The following NTM variants were observed in gnomAD, a reference collection of about 807,000 sequenced individuals.
The protein encoded by NTM is neurotrimin, also known as IgLON family member 2.
Under a neutral mutation model 42.1 loss-of-function variants are expected in NTM, and 13 were observed. The ratio of observed to expected loss-of-function variants is 0.31; its 90% CI spans 0.20 to 0.49. The LOEUF is 0.49. Among genes scored for constraint, NTM ranks in the 20% least tolerant of loss-of-function variants. The pLI, the probability that NTM is intolerant of heterozygous loss-of-function variation, is 0.99. For synonymous variants in NTM, 187 were observed against 179.2 expected (o/e 1.04, Z -0.35); for missense variants, 373 against 452.8 (o/e 0.82, Z 1.60).
chr11:132,173,345 A>G (rs945303297), intron 3 of NTM, among the ~76,000 whole-genome samples: 1 of 152,210 alleles, frequency 6.6e-6, no homozygotes, highest in Non-Finnish European at 1.5e-5. Context: ...GTGATTGTCC[A>G]TGAGTGTGCA....
intron 2 of NTM, among the ~76,000 whole-genome samples, chr11:131,992,904 C>G (rs1171674393): frequency 4.6e-5 from 7 of 151,976 alleles, no homozygotes; most frequent in Non-Finnish European, 4.4e-5. Flanking sequence ...CAAAAGATAC[C>G]CATTATATAA....
At chr11:131,592,922 C>G (rs1437644121) in intron 1 of NTM, among the ~76,000 whole-genome samples, 1 of 152,184 alleles carries the variant, frequency 6.6e-6, no homozygotes, top group Non-Finnish European at 1.5e-5. Context: ...CCGGCCACGT[C>G]TGGCAGCTGG....
intron 1 of NTM, among the ~76,000 whole-genome samples, chr11:131,523,161 G>T (rs541524601): frequency 6.6e-6 from 1 of 152,206 alleles, no homozygotes; most frequent in Non-Finnish European, 1.5e-5. Context: ...CAGGGAGCAT[G>T]AGATCACAGA....
At chr11:131,439,702 G>C (rs1182194788) in intron 1 of NTM, among the ~76,000 whole-genome samples, 1 of 152,176 alleles carries the variant, frequency 6.6e-6, no homozygotes, top group Non-Finnish European at 1.5e-5. Flanking sequence ...CGTTTTTCCA[G>C]GTACCATCTG....
chr11:131,760,642 C>A (rs542427322), intron 1 of NTM, among the ~76,000 whole-genome samples: 1 of 152,144 alleles, frequency 6.6e-6, no homozygotes, highest in Non-Finnish European at 1.5e-5. Context: ...ATAGAGATAA[C>A]CCTGCTGAGA....
chr11:131,619,386 C>T (rs527461816), intron 1 of NTM, among the ~76,000 whole-genome samples: 40 of 152,284 alleles, frequency 2.6e-4, no homozygotes, highest in African/African-American at 9.4e-4. Context: ...ACCTGGAACA[C>T]ATATATCTCT....
intron 1 of NTM, among the ~76,000 whole-genome samples, chr11:131,857,266 A>G (rs2046198163): frequency 6.6e-6 from 1 of 152,034 alleles, no homozygotes. Flanking sequence ...GACTCTATGC[A>G]TCCTCTTCTA....
chr11:132,334,051 G>A (rs1055768793), intron 8 of NTM, among the ~76,000 whole-genome samples: 2 of 152,200 alleles, frequency 1.3e-5, no homozygotes, highest in Admixed American at 6.5e-5. Flanking sequence ...TAAATTCAAT[G>A]CAACAGAGTA....
chr11:132,076,718 C>A (rs897707210), intron 2 of NTM, among the ~76,000 whole-genome samples: 7 of 151,958 alleles, frequency 4.6e-5, no homozygotes, highest in African/African-American at 1.7e-4. Flanking sequence ...TCTAAGGAAT[C>A]TCTCAACCTC....
At chr11:131,503,724 G>C (rs1468468725) in intron 1 of NTM, among the ~76,000 whole-genome samples, 1 of 151,908 alleles carries the variant, frequency 6.6e-6, no homozygotes, top group Non-Finnish European at 1.5e-5. Flanking sequence ...GAGTCTCACT[G>C]TGTTGCTCAG....
At chr11:131,685,372 A>ATCCATGGGAAGCAGCTG (rs58712045) in intron 1 of NTM, among the ~76,000 whole-genome samples, 2 of 152,180 alleles carry the variant, frequency 1.3e-5, no homozygotes, top group African/African-American at 4.8e-5. Context: ...AGAGTCGGGC[A>ATCCATGGGAAGCAGCTG]GGCAGGCTGA....
chr11:131,823,101 G>A (rs531855370), intron 1 of NTM, among the ~76,000 whole-genome samples: 13 of 152,272 alleles, frequency 8.5e-5, no homozygotes, highest in South Asian at 2.1e-4. Context: ...ATAGAAGCAC[G>A]TCTACGTTAG....
At chr11:132,258,366 G>C (rs147073558) in intron 4 of NTM, among the ~76,000 whole-genome samples, 70 of 152,158 alleles carry the variant, frequency 4.6e-4, no homozygotes, top group Non-Finnish European at 8.8e-4. Context: ...TATATTGGAC[G>C]ATGGCTTAAA....
intron 3 of NTM, among the ~76,000 whole-genome samples, chr11:132,202,666 G>A (rs921350438): frequency 1.3e-5 from 2 of 152,104 alleles, no homozygotes; most frequent in African/African-American, 2.4e-5. Context: ...ATTATGCCCC[G>A]AAGCCAAGAG....
At chr11:131,547,193 C>T (rs367986778) in intron 1 of NTM, among the ~76,000 whole-genome samples, 3 of 152,298 alleles carry the variant, frequency 2.0e-5, no homozygotes, top group African/African-American at 4.8e-5. Context: ...TAGTCAGAGG[C>T]GTGAGCACAC....
At chr11:132,070,201 A>C (rs1458717541) in intron 2 of NTM, among the ~76,000 whole-genome samples, 2 of 146,692 alleles carry the variant, frequency 1.4e-5, no homozygotes, top group Non-Finnish European at 3.0e-5. Context: ...CCAAGTTAAC[A>C]CGTCAAACTG....
chr11:131,581,026 C>T (rs2058359719), intron 1 of NTM, among the ~76,000 whole-genome samples: 1 of 152,080 alleles, frequency 6.6e-6, no homozygotes, highest in Non-Finnish European at 1.5e-5. Context: ...ATTATGAGGC[C>T]CTGGGTTATT....
intron 1 of NTM, among the ~76,000 whole-genome samples, chr11:131,498,586 A>G (rs143599355): frequency 6.6e-6 from 1 of 151,998 alleles, no homozygotes; most frequent in East Asian, 1.9e-4. Flanking sequence ...TGCCCATTAC[A>G]TCTGCTCTTT....
chr11:131,580,103 G>A (rs1030719071), intron 1 of NTM, among the ~76,000 whole-genome samples: 1 of 152,082 alleles, frequency 6.6e-6, no homozygotes, highest in African/African-American at 2.4e-5. Context: ...GTGTGGATTG[G>A]CAGCCATAAA....
Sources: allele counts gnomAD v4.1 joint callset (sites outside exome capture counted in the v4.1 genomes callset), GRCh38; gene constraint gnomAD v4.1.1; transcripts MANE v1.5; gene names NCBI Gene and HGNC (gene_info 2026-07-23, HGNC 2026-07-21).